The following CRK variants were observed in gnomAD, a reference collection of about 807,000 sequenced individuals.
The protein encoded by CRK is adapter molecule crk.
Under a neutral mutation model 29.8 loss-of-function variants are expected in CRK, and 4 were observed. The observed-to-expected ratio is 0.13, with a 90% CI of 0.07 to 0.31. The LOEUF (loss-of-function observed/expected upper bound fraction) is 0.31. Ranked by LOEUF, CRK falls within the 10% of genes least tolerant of loss-of-function variation. CRK has a pLI of 1.00. For synonymous variants in CRK, 153 were observed against 164.9 expected (o/e 0.93, Z 0.55); for missense variants, 274 against 396.5 (o/e 0.69, Z 2.62).
intron 2 of CRK, among the ~76,000 whole-genome samples, chr17:1,430,233 G>C (rs1458725415): frequency 6.6e-6 from 1 of 151,458 alleles, no homozygotes; most frequent in Non-Finnish European, 1.5e-5. Context: ...TCATAGAAAT[G>C]GAGTTTCAAA....
chr17:1,439,030 C>T (rs1356657890), intron 1 of CRK, among the ~76,000 whole-genome samples: 1 of 151,684 alleles, frequency 6.6e-6, no homozygotes, highest in African/African-American at 2.4e-5. Context: ...GATGGGGTTT[C>T]ACCACGTTGC....
chr17:1,430,796 T>A (rs191200168), intron 2 of CRK, among the ~76,000 whole-genome samples: 1 of 151,366 alleles, frequency 6.6e-6, no homozygotes, highest in Non-Finnish European at 1.5e-5. Context: ...GGCCGGGCGC[T>A]GTGGCTCATG....
Position 1,423,381 on chromosome 17 carries a change from A to C in CRK, c.*132T>G. 5.1e-6 allele frequency: 6 copies of C among 1,170,592 alleles called. No homozygotes were observed. The highest frequency in any genetic ancestry group is 2.2e-4 in the Middle Eastern group (1 of 4,580). 72.5% of individuals were successfully genotyped at this position (1,170,592 alleles called of 1,614,324 possible). On this transcript the variant is annotated 3_prime_UTR_variant, in exon 3 of 3. Transcript: ENST00000300574. Reference sequence around the variant, plus strand: ...TAGGAATGGAGCAGTTCAGTCTAAAAAATATCACAGGTAACAGAATGCTTA... The same window carrying C: ...TAGGAATGGAGCAGTTCAGTCTAAACAATATCACAGGTAACAGAATGCTTA...
rs527863544 is a variant in CRK, at chr17:1,440,786, C to T, written c.242-3631G>A. Among the ~76,000 whole-genome samples, 132 of 152,274 alleles carry T rather than the reference C, an allele frequency of 8.7e-4. 2 individuals carry two copies. In the South Asian group the frequency reaches 0.026, roughly 30 times the overall value. On this transcript the variant is annotated intron_variant, in intron 1 of 2. Coordinates refer to ENST00000300574, the MANE Select transcript of CRK (RefSeq NM_016823.4). ...GGCAAGGTGGTGCATGTCTGTTAGT[C>T]CCAGCTTCTCGAGAAGCTGAGGTGG... is the stretch of plus-strand genomic sequence containing the variant.
chr17:1,424,164 T>G (rs1213992237), intron 2 of CRK, among the ~76,000 whole-genome samples: 3 of 149,400 alleles, frequency 2.0e-5, no homozygotes, highest in Non-Finnish European at 4.4e-5. Context: ...CCTCCCAGGT[T>G]CGAGCAATTT....
chr17:1,424,111 G>T lies in CRK; in HGVS notation c.778-461C>A, dbSNP rs895836937. Among the ~76,000 whole-genome samples, 18 of 126,906 alleles carry T rather than the reference G, an allele frequency of 1.4e-4. No homozygotes were observed. In the Admixed American group the frequency reaches 1.8e-3, roughly 12 times the overall value. The allele number at this position is 126,906 out of a possible 152,430, so 83.3% of individuals were successfully genotyped here. On this transcript the variant is annotated intron_variant, in intron 2 of 2. Transcript: ENST00000300574. ...TTTGAGACGGAGTCTCTGTCACCCA[G>T]GCTGGATGACAGTGGCGTGATCTCA...
At position 1,455,881 on chromosome 17, in the gene CRK, C is replaced by T. The variant is rs769167155; in HGVS notation, c.237G>A (p.Pro79=). The T allele has an allele frequency of 3.2e-6, 5 of 1,582,676 alleles. No individual in the cohort carries two copies. Among genetic ancestry groups the T allele is most frequent in the Non-Finnish European group, 4.3e-6 (5 of 1,166,972 alleles). ...PPVPPSPAQP[P]PGVSPSRLRI... Reference sequence around the variant, plus strand: ...GCCGTCCCGTCAGTCCCTCACCGGGCGGAGGCTGGGCGGGCGACGGTGGCA... The same window carrying T: ...GCCGTCCCGTCAGTCCCTCACCGGGTGGAGGCTGGGCGGGCGACGGTGGCA... The change falls in exon 1 of 3, where the codon CCG becomes CCA. Residue 79 remains proline (P), a synonymous_variant. Transcript: ENST00000300574.
At chr17:1,439,458 A>G in intron 1 of CRK, among the ~76,000 whole-genome samples, 1 of 152,082 alleles carries the variant, frequency 6.6e-6, no homozygotes, top group Non-Finnish European at 1.5e-5. Flanking sequence ...AGCACCCAAA[A>G]CAGCAAACTA....
chr17:1,433,825 GTTTTTTTTT>G (rs56071119), intron 2 of CRK, among the ~76,000 whole-genome samples: 3 of 127,330 alleles, frequency 2.4e-5, no homozygotes, highest in Middle Eastern at 8.1e-3. Flanking sequence ...AGCATGTATG[GTTTTTTTTT>G]TTTTTTTTTT....
chr17:1,438,860 T>A (rs886586975), intron 1 of CRK, among the ~76,000 whole-genome samples: 13 of 147,936 alleles, frequency 8.8e-5, no homozygotes, highest in East Asian at 3.9e-4. Flanking sequence ...AAAAAAAAAA[T>A]GAGTCAGGGT....
At chr17:1,444,665 C>CT (rs1337407228) in intron 1 of CRK, among the ~76,000 whole-genome samples, 2 of 144,686 alleles carry the variant, frequency 1.4e-5, no homozygotes. Context: ...CCCGTCTTTA[C>CT]TAAAAAAAAA....
intron 1 of CRK, among the ~76,000 whole-genome samples, chr17:1,446,590 C>CTTTTTTT (rs56660089): frequency 1.6e-5 from 2 of 125,484 alleles, no homozygotes; most frequent in African/African-American, 3.0e-5. Context: ...CTCACTATGA[C>CTTTTTTT]TTTTTTTTTT....
intron 1 of CRK, among the ~76,000 whole-genome samples, chr17:1,440,819 G>A (rs1250250617): frequency 2.0e-5 from 3 of 152,168 alleles, no homozygotes; most frequent in South Asian, 2.1e-4. Flanking sequence ...TGGGAGAATC[G>A]CCTGAGCCCA....
At chr17:1,448,168 G>C (rs2073989456) in intron 1 of CRK, among the ~76,000 whole-genome samples, 1 of 151,966 alleles carries the variant, frequency 6.6e-6, no homozygotes, top group Admixed American at 6.6e-5. Flanking sequence ...GGTCTCCTAA[G>C]CAAATAGAAT....
At chr17:1,427,684 C>T (rs2073794460) in intron 2 of CRK, among the ~76,000 whole-genome samples, 2 of 151,978 alleles carry the variant, frequency 1.3e-5, no homozygotes, top group East Asian at 2.0e-4. Flanking sequence ...GGCTGGAGTG[C>T]AGTGACGCTA....
chr17:1,442,799 G>A (rs767592087), intron 1 of CRK, among the ~76,000 whole-genome samples: 3 of 151,558 alleles, frequency 2.0e-5, no homozygotes, highest in Non-Finnish European at 4.4e-5. Context: ...TAGAGACACA[G>A]TTTCACCATG....
intron 1 of CRK, 150 bp from the exon 2 acceptor site, chr17:1,437,305 A>G: frequency 2.5e-6 from 2 of 810,168 alleles, no homozygotes; most frequent in East Asian, 2.8e-5. Flanking sequence ...TCTCACCACA[A>G]ACTCCTGAGT....
intron 1 of CRK, among the ~76,000 whole-genome samples, chr17:1,439,687 T>TA (rs1041420256): frequency 6.6e-6 from 1 of 151,206 alleles, no homozygotes; most frequent in South Asian, 2.1e-4. Context: ...GCAAAAAACT[T>TA]AAAAAATTAG....
At chr17:1,437,234 T>G in intron 1 of CRK, 79 bp from the exon 2 acceptor site, 1 of 1,437,444 alleles carries the variant, frequency 7.0e-7, no homozygotes, top group Non-Finnish European at 9.2e-7. Flanking sequence ...TTATTTTTTT[T>G]AGAGTTGGGA....
Sources: allele counts gnomAD v4.1 joint callset (sites outside exome capture counted in the v4.1 genomes callset), GRCh38; gene constraint gnomAD v4.1.1; transcripts MANE v1.5; gene names NCBI Gene and HGNC (gene_info 2026-07-23, HGNC 2026-07-21).